The following SLC11A2 variants were observed in gnomAD, a reference collection of about 807,000 sequenced individuals.
SLC11A2 encodes solute carrier family 11 member 2.
A neutral mutation model predicts 68.0 loss-of-function variants in SLC11A2; 38 were observed. The ratio of observed to expected loss-of-function variants is 0.56; its 90% CI spans 0.43 to 0.73. The LOEUF is 0.73. Ranked by LOEUF, SLC11A2 falls within the 30% of genes least tolerant of loss-of-function variation. The pLI is 0.00. For missense variants in SLC11A2, 517 were observed against 690.5 expected, an observed-to-expected ratio of 0.75 and a Z score of 2.82; for synonymous variants, 242 against 250.6, an observed-to-expected ratio of 0.97 and a Z score of 0.32.
chr12:50,974,767 T>C (rs138328676), downstream of SLC11A2, among the ~76,000 whole-genome samples: 97 of 152,216 alleles, frequency 6.4e-4, no homozygotes, highest in Non-Finnish European at 1.2e-3. Flanking sequence ...GAGACACACA[T>C]AGGCTCAAAA....
the SLC11A2 span, among the ~76,000 whole-genome samples, chr12:50,966,467 A>G: frequency 6.6e-6 from 1 of 152,174 alleles, no homozygotes; most frequent in Non-Finnish European, 1.5e-5. Flanking sequence ...GCCTAACAGC[A>G]TCCCTGGTCT....
intron 1 of SLC11A2, among the ~76,000 whole-genome samples, chr12:51,016,430 T>A (rs1943655952): frequency 2.0e-5 from 3 of 151,832 alleles, no homozygotes; most frequent in African/African-American, 4.8e-5. Flanking sequence ...ACGCCTGTAA[T>A]CCCAGCACTT....
intron 1 of SLC11A2, among the ~76,000 whole-genome samples, chr12:51,018,522 C>T (rs1038014973): frequency 1.3e-5 from 2 of 150,522 alleles, no homozygotes; most frequent in African/African-American, 2.5e-5. Flanking sequence ...GGGCCGAGTG[C>T]GGTGGCTCAA....
the SLC11A2 span, chr12:50,960,833 T>C: frequency 4.4e-6 from 3 of 683,830 alleles, no homozygotes; most frequent in African/African-American, 5.5e-5. Context: ...CAGACGTGTA[T>C]CACCATGTGT....
At chr12:50,989,391 T>TA (rs1940920042) in intron 15 of SLC11A2, among the ~76,000 whole-genome samples, 1 of 152,186 alleles carries the variant, frequency 6.6e-6, no homozygotes, top group South Asian at 2.1e-4. Context: ...CTCAGGAGGC[T>TA]AAGGCAGGCG....
At chr12:51,020,597 C>T (rs961556175) in intron 1 of SLC11A2, among the ~76,000 whole-genome samples, 1 of 149,916 alleles carries the variant, frequency 6.7e-6, no homozygotes, top group Non-Finnish European at 1.5e-5. Flanking sequence ...ATGAACCAGT[C>T]TCTCTCTCTC....
At chr12:51,026,273 C>T in intron 1 of SLC11A2, 37 bp downstream of exon 1, 2 of 1,209,844 alleles carry the variant, frequency 1.7e-6, no homozygotes, top group Non-Finnish European at 2.1e-6. Flanking sequence ...TGCCAGCGAG[C>T]GGAATGCCGT....
downstream of SLC11A2, chr12:50,979,454 C>T (rs1939904968): frequency 6.0e-6 from 1 of 166,796 alleles, no homozygotes; most frequent in South Asian, 1.6e-4. Flanking sequence ...GTTTCCCCAA[C>T]ACTCTCTGGT....
chr12:50,978,352 T>C (rs1939879135), downstream of SLC11A2, among the ~76,000 whole-genome samples: 1 of 151,872 alleles, frequency 6.6e-6, no homozygotes, highest in South Asian at 2.1e-4. Flanking sequence ...GGGACATGGA[T>C]GAAGCCGGAA....
chr12:51,008,353 A>G (rs756489948), intron 3 of SLC11A2, 123 bp downstream of exon 3: 30 of 737,644 alleles, frequency 4.1e-5, no homozygotes, highest in Non-Finnish European at 6.9e-5. Context: ...ATATAGATAT[A>G]GTCTTCAGAG....
upstream of SLC11A2, chr12:51,028,130 C>A: frequency 2.3e-6 from 3 of 1,288,336 alleles, no homozygotes; most frequent in Non-Finnish European, 3.2e-6. Flanking sequence ...CTGTACTTGT[C>A]ACCCTTTCAG....
At chr12:51,018,962 A>C (rs563909129) in intron 1 of SLC11A2, among the ~76,000 whole-genome samples, 104 of 151,900 alleles carry the variant, frequency 6.8e-4, no homozygotes, top group South Asian at 3.5e-3. Flanking sequence ...CTTTTTTTTC[A>C]TCACCTTCCT....
chr12:51,014,521 A>G (rs1378282905), intron 1 of SLC11A2, among the ~76,000 whole-genome samples: 1 of 152,250 alleles, frequency 6.6e-6, no homozygotes, highest in African/African-American at 2.4e-5. Context: ...CAAAGCTTTT[A>G]GTCAACAAAC....
chr12:51,010,860 C>G, intron 1 of SLC11A2, 94 bp from the exon 2 acceptor site: 1 of 514,762 alleles, frequency 1.9e-6, no homozygotes, highest in South Asian at 4.0e-5. Context: ...TGAATCCTTA[C>G]TATGAAAAGA....
At chr12:50,968,086 AAAT>A in the SLC11A2 span, among the ~76,000 whole-genome samples, 2,397 of 148,512 alleles carry the variant, frequency 0.016, 59 homozygotes, top group African/African-American at 0.056. Context: ...GCATTGTCTC[AAAT>A]AATAAGAAGA....
chr12:50,993,834 G>GA (rs930808990), intron 11 of SLC11A2, among the ~76,000 whole-genome samples: 17 of 139,590 alleles, frequency 1.2e-4, no homozygotes, highest in South Asian at 2.3e-4. Context: ...ATCTCAAAAA[G>GA]AAAAAAAAAA....
Position 50,988,293 on chromosome 12 carries a change from T to C in SLC11A2, c.*32A>G, listed in dbSNP as rs886049565. On this transcript the variant is annotated 3_prime_UTR_variant, in exon 16 of 16. Coordinates refer to ENST00000262052, the MANE Select transcript of SLC11A2 (RefSeq NM_000617.3). Reference sequence around the variant, plus strand: ...AACCATAGAAACACACTGGCTCTGATGGCTACCTGCAGAAGACAGACTAAT... The same window carrying C: ...AACCATAGAAACACACTGGCTCTGACGGCTACCTGCAGAAGACAGACTAAT... The C allele has an allele frequency of 2.5e-6, 4 of 1,613,588 alleles. No homozygotes were observed. The highest frequency in any genetic ancestry group is 3.4e-6 in the Non-Finnish European group (4 of 1,179,740).
At position 50,986,000 on chromosome 12, in the gene SLC11A2, A is replaced by C. The variant is rs1054395639; in HGVS notation, c.*2325T>G. The C allele has an allele frequency of 8.6e-7, 1 of 1,157,904 alleles. No individual in the cohort carries two copies. The highest frequency in any genetic ancestry group is 1.1e-6 in the Non-Finnish European group (1 of 925,538). The allele number at this position is 1,157,904 out of a possible 1,614,324, so 71.7% of individuals were successfully genotyped here. A position where few individuals can be genotyped will look rare whatever the true frequency, so the allele number is the denominator to read the frequency against. On this transcript the variant is annotated 3_prime_UTR_variant, in exon 16 of 16. Transcript: ENST00000262052. ...ATACCCAGGAAACCAAATTGGAAAA[A>C]GAAATTTTTTTTTAATTAGAAACCA...
chr12:50,955,301 T>C, the SLC11A2 span, among the ~76,000 whole-genome samples: 1 of 152,208 alleles, frequency 6.6e-6, no homozygotes, highest in Non-Finnish European at 1.5e-5. Context: ...CCTAATAATC[T>C]GGACCCTTAG....
Sources: gnomAD v4.1 joint callset for allele counts (sites outside exome capture counted in the v4.1 genomes callset) on GRCh38, gnomAD v4.1.1 for gene constraint, MANE v1.5 for transcripts, NCBI Gene and HGNC (gene_info 2026-07-23, HGNC 2026-07-21) for gene names.